Variants in SLC35F1 observed in about 807,000 individuals in gnomAD.
SLC35F1 encodes chromosome 6 open reading frame 169.
Under a neutral mutation model 48.7 loss-of-function variants are expected in SLC35F1, and 14 were observed. The observed-to-expected ratio is 0.29, with a 90% CI of 0.19 to 0.45. The LOEUF (loss-of-function observed/expected upper bound fraction) is 0.45. SLC35F1 is among the 20% of genes least tolerant of loss of function. SLC35F1 has a pLI of 1.00. For synonymous variants in SLC35F1, 190 were observed against 202.2 expected, an observed-to-expected ratio of 0.94 and a Z score of 0.51; for missense variants, 404 against 500.0, an observed-to-expected ratio of 0.81 and a Z score of 1.83.
At chr6:117,950,078 T>A (rs1776343925) in intron 1 of SLC35F1, among the ~76,000 whole-genome samples, 1 of 152,210 alleles carries the variant, frequency 6.6e-6, no homozygotes, top group Non-Finnish European at 1.5e-5. Context: ...TGCTACCCAT[T>A]TTCTTGCCCC....
intron 6 of SLC35F1, among the ~76,000 whole-genome samples, chr6:118,281,684 G>C (rs1775986669): frequency 6.6e-6 from 1 of 152,112 alleles, no homozygotes; most frequent in African/African-American, 2.4e-5. Context: ...TATTTCCCTA[G>C]CTCTTGGGTT....
intron 1 of SLC35F1, among the ~76,000 whole-genome samples, chr6:118,061,733 A>G (rs1003500030): frequency 5.3e-5 from 8 of 152,070 alleles, no homozygotes; most frequent in Non-Finnish European, 7.4e-5. Flanking sequence ...CAATTTTTCA[A>G]TGGACTGGGC....
intron 1 of SLC35F1, among the ~76,000 whole-genome samples, chr6:118,010,337 C>T (rs1029982804): frequency 1.3e-5 from 2 of 152,134 alleles, no homozygotes; most frequent in African/African-American, 4.8e-5. Context: ...TATCTGTCTG[C>T]TCAGTTAGAG....
At chr6:118,159,605 A>G (rs1774198054) in intron 2 of SLC35F1, among the ~76,000 whole-genome samples, 1 of 152,194 alleles carries the variant, frequency 6.6e-6, no homozygotes, top group Non-Finnish European at 1.5e-5. Context: ...AGCTGAAATC[A>G]GGAAGCAGAG....
intron 1 of SLC35F1, among the ~76,000 whole-genome samples, chr6:117,935,193 T>G (rs2114815329): frequency 6.6e-6 from 1 of 152,342 alleles, no homozygotes; most frequent in African/African-American, 2.4e-5. Context: ...CCTATCTATC[T>G]TTTCCATTGG....
rs146237560 is a variant in SLC35F1 at position 118,248,383 on chromosome 6, T to C, written c.477+12747T>C. Among the ~76,000 whole-genome samples the C allele has an allele frequency of 1.4e-3, 216 of 152,342 alleles. 3 individuals are homozygous for C. The East Asian group carries it at 0.032, about 23-fold the overall frequency. ...AGCAAAAAAGACTCTGTGGATGTTA[T>C]TAAACTCATGATGTTGCTATGGTGA... On this transcript the variant is annotated intron_variant, in intron 3 of 7. Coordinates refer to ENST00000360388, the MANE Select transcript of SLC35F1 (RefSeq NM_001029858.4).
At chr6:118,138,883 C>T (rs558986114) in intron 1 of SLC35F1, among the ~76,000 whole-genome samples, 3 of 152,098 alleles carry the variant, frequency 2.0e-5, no homozygotes, top group Admixed American at 6.5e-5. Flanking sequence ...TTTGGCAACG[C>T]GTGCACCGGT....
At chr6:117,998,802 A>G (rs1441560926) in intron 1 of SLC35F1, among the ~76,000 whole-genome samples, 2 of 152,258 alleles carry the variant, frequency 1.3e-5, no homozygotes, top group South Asian at 4.1e-4. Context: ...TTATAGCACT[A>G]TATGCCCACA....
At chr6:118,015,277 C>T (rs1777305209) in intron 1 of SLC35F1, among the ~76,000 whole-genome samples, 2 of 152,022 alleles carry the variant, frequency 1.3e-5, no homozygotes, top group South Asian at 4.2e-4. Flanking sequence ...CTTGGTTGAT[C>T]CTCCGGAGAG....
At chr6:118,187,049 C>A (rs1357899797) in intron 2 of SLC35F1, among the ~76,000 whole-genome samples, 1 of 152,178 alleles carries the variant, frequency 6.6e-6, no homozygotes, top group East Asian at 1.9e-4. Flanking sequence ...TCTCTCTGGA[C>A]CTTTATTCTG....
intron 1 of SLC35F1, among the ~76,000 whole-genome samples, chr6:117,933,705 G>A (rs570691204): frequency 6.6e-6 from 1 of 152,320 alleles, no homozygotes; most frequent in African/African-American, 2.4e-5. Context: ...GCCAGAGGCT[G>A]AGCAGCAGTC....
chr6:117,919,812 T>C (rs1464427216), intron 1 of SLC35F1, among the ~76,000 whole-genome samples: 1 of 152,204 alleles, frequency 6.6e-6, no homozygotes, highest in Non-Finnish European at 1.5e-5. Flanking sequence ...ATTTCAGCAC[T>C]AGCATATGTT....
At chr6:118,106,718 A>G (rs1437019228) in intron 1 of SLC35F1, among the ~76,000 whole-genome samples, 3 of 152,244 alleles carry the variant, frequency 2.0e-5, no homozygotes, top group Non-Finnish European at 4.4e-5. Flanking sequence ...TGTGATTAGA[A>G]TAAAACTTCA....
At chr6:118,239,321 G>T (rs1178172713) in intron 3 of SLC35F1, among the ~76,000 whole-genome samples, 1 of 150,812 alleles carries the variant, frequency 6.6e-6, no homozygotes, top group Non-Finnish European at 1.5e-5. Flanking sequence ...GCTCCCAGTG[G>T]TCCTTTATCT....
intron 1 of SLC35F1, among the ~76,000 whole-genome samples, chr6:118,043,216 A>G (rs1294883715): frequency 6.6e-6 from 1 of 152,178 alleles, no homozygotes; most frequent in Non-Finnish European, 1.5e-5. Flanking sequence ...AGAATAAATA[A>G]AAATCACTTT....
At chr6:118,246,303 C>T (rs1168048104) in intron 3 of SLC35F1, among the ~76,000 whole-genome samples, 1 of 152,158 alleles carries the variant, frequency 6.6e-6, no homozygotes, top group African/African-American at 2.4e-5. Context: ...AGGACCGGCC[C>T]TCTTTTTCTT....
At chr6:118,101,807 G>A (rs1183021458) in intron 1 of SLC35F1, among the ~76,000 whole-genome samples, 1 of 152,194 alleles carries the variant, frequency 6.6e-6, no homozygotes, top group African/African-American at 2.4e-5. Flanking sequence ...ATTAAAATAT[G>A]TGCATTACAT....
chr6:118,050,501 A>G (rs940740908), intron 1 of SLC35F1, among the ~76,000 whole-genome samples: 1 of 152,124 alleles, frequency 6.6e-6, no homozygotes, highest in African/African-American at 2.4e-5. Context: ...GACTGTGAGA[A>G]AGAGGCACAG....
At chr6:117,965,929 AT>A (rs1359637427) in intron 1 of SLC35F1, among the ~76,000 whole-genome samples, 7 of 152,054 alleles carry the variant, frequency 4.6e-5, no homozygotes, top group African/African-American at 1.7e-4. Context: ...TAGCTAAAGG[AT>A]TATAAATACA....
Sources: allele counts gnomAD v4.1 joint callset (sites outside exome capture counted in the v4.1 genomes callset), GRCh38; gene constraint gnomAD v4.1.1; transcripts MANE v1.5; gene names NCBI Gene and HGNC (gene_info 2026-07-23, HGNC 2026-07-21).